Variants in CIT observed in about 807,000 individuals in gnomAD.
CIT encodes citron Rho-interacting kinase.
In CIT, 79 loss-of-function variants were observed where a neutral mutation model predicts 272.7. The observed-to-expected ratio is 0.29, with a 90% CI of 0.24 to 0.35. The LOEUF (loss-of-function observed/expected upper bound fraction) is 0.35. Among genes scored for constraint, CIT ranks in the 10% least tolerant of loss-of-function variants. CIT has a pLI of 1.00. For missense variants in CIT, 1,909 were observed against 2,618.3 expected, an observed-to-expected ratio of 0.73 and a Z score of 5.91; for synonymous variants, 948 against 995.6, an observed-to-expected ratio of 0.95 and a Z score of 0.90.
chr12:119,760,841 G>C, intron 20 of CIT, 98 bp downstream of exon 20: 1 of 810,644 alleles, frequency 1.2e-6, no homozygotes, highest in Non-Finnish European at 2.1e-6. Flanking sequence ...TCAACAGAAG[G>C]AATTTCACCA....
chr12:119,811,788 T>C (rs1966849808), intron 9 of CIT, among the ~76,000 whole-genome samples: 1 of 152,208 alleles, frequency 6.6e-6, no homozygotes, highest in African/African-American at 2.4e-5. Context: ...TCTCTCCCTC[T>C]CAGTCTAGGT....
intron 3 of CIT, among the ~76,000 whole-genome samples, chr12:119,865,864 CA>C (rs11366591): frequency 0.63 from 57,126 of 91,334 alleles, 14,716 homozygotes; most frequent in East Asian, 0.85. Context: ...AGCAAGACTC[CA>C]AAAAAAAAAA....
At chr12:119,854,450 C>T (rs961354104) in intron 4 of CIT, among the ~76,000 whole-genome samples, 1 of 150,940 alleles carries the variant, frequency 6.6e-6, no homozygotes, top group Non-Finnish European at 1.5e-5. Flanking sequence ...CCAGCCTGGC[C>T]AACATGGCAA....
intron 46 of CIT, among the ~76,000 whole-genome samples, chr12:119,696,975 T>C (rs998488517): frequency 4.6e-5 from 7 of 152,236 alleles, no homozygotes; most frequent in African/African-American, 1.4e-4. Context: ...CTTTAATTTA[T>C]TTAACTGCTT....
chr12:119,839,390 G>A (rs1969242923), intron 5 of CIT, among the ~76,000 whole-genome samples: 2 of 152,188 alleles, frequency 1.3e-5, no homozygotes, highest in African/African-American at 4.8e-5. Context: ...TCCTTGAAAT[G>A]TTTGCACGCT....
At chr12:119,695,029 G>T (rs1956158213) in intron 46 of CIT, among the ~76,000 whole-genome samples, 1 of 152,074 alleles carries the variant, frequency 6.6e-6, no homozygotes, top group African/African-American at 2.4e-5. Context: ...GAGCACGTGG[G>T]TATTTGGCAC....
chr12:119,712,574 C>T lies in CIT; in HGVS notation c.4684+17G>A, dbSNP rs776665483. On this transcript the variant is annotated intron_variant, in intron 36 of 47. Coordinates refer to ENST00000392521, the MANE Select transcript of CIT (RefSeq NM_001206999.2). This position sits in a 1 kb window ranked among gnomAD's most constrained non-coding sequence, Gnocchi z 5.2. ...CCGGCCCACCTCCAGGGCGGGGCTCCTCCGGCTCCTCCTCACCTGCTTTGG... is the reference window on the plus strand; with the variant it reads ...CCGGCCCACCTCCAGGGCGGGGCTCTTCCGGCTCCTCCTCACCTGCTTTGG... 1 of 1,612,172 alleles carries T rather than the reference C, an allele frequency of 6.2e-7. No homozygotes were observed. The highest frequency in any genetic ancestry group is 1.1e-5 in the South Asian group (1 of 91,008).
chr12:119,765,743 A>G (rs771158645), intron 19 of CIT, among the ~76,000 whole-genome samples: 12 of 152,086 alleles, frequency 7.9e-5, no homozygotes, highest in Non-Finnish European at 1.5e-4. Flanking sequence ...AAGTGCTAGG[A>G]TTATATGCAT....
intron 39 of CIT, among the ~76,000 whole-genome samples, chr12:119,709,191 A>T (rs1002603090): frequency 1.3e-5 from 2 of 152,208 alleles, no homozygotes; most frequent in Non-Finnish European, 2.9e-5. Context: ...ATTCTATATG[A>T]TACTCTATGT....
intron 10 of CIT, among the ~76,000 whole-genome samples, chr12:119,801,119 G>T (rs1398466374): frequency 1.3e-5 from 2 of 152,182 alleles, no homozygotes; most frequent in Non-Finnish European, 2.9e-5. Flanking sequence ...AGTTTTATTT[G>T]CATGGACCTT....
At chr12:119,709,764 G>GAA (rs1957058025) in intron 39 of CIT, among the ~76,000 whole-genome samples, 9 of 50,406 alleles carry the variant, frequency 1.8e-4, no homozygotes, top group Admixed American at 1.4e-3. Flanking sequence ...GTTCAGGAAA[G>GAA]AGAGAGAGAG....
At chr12:119,705,140 T>C (rs1844721435) in intron 40 of CIT, among the ~76,000 whole-genome samples, 1 of 152,174 alleles carries the variant, frequency 6.6e-6, no homozygotes. Context: ...CTCGAACTCC[T>C]GGCCTCAAGT....
intron 32 of CIT, among the ~76,000 whole-genome samples, chr12:119,716,416 T>TAAAAAAAAAAAAA (rs1481968570): frequency 1.3e-4 from 9 of 70,550 alleles, no homozygotes; most frequent in African/African-American, 4.2e-4. Context: ...AAAAAAAAAG[T>TAAAAAAAAAAAAA]AAAGCTCTTT....
rs1490267343 is a variant in CIT, at chr12:119,804,297, C to T, written c.1112-908G>A. 2.0e-6 allele frequency: 2 copies of T among 985,504 alleles called. No individual in the cohort carries two copies. Among genetic ancestry groups the T allele is most frequent in the South Asian group, 4.7e-5 (1 of 21,290 alleles). The allele number at this position is 985,504 out of a possible 1,614,324, so 61.0% of individuals were successfully genotyped here. On this transcript the variant is annotated intron_variant, in intron 9 of 47. Coordinates refer to ENST00000392521, the MANE Select transcript of CIT (RefSeq NM_001206999.2). This position sits in a 1 kb window ranked among gnomAD's most constrained non-coding sequence, Gnocchi z 5.3. The stretch of plus-strand genomic sequence containing the variant: ...GAGGCTGCCCATCGCGGTGGGCTCC[C>T]GGGGGTGTCCCCCGCCAGAAACGTT...
intron 26 of CIT, among the ~76,000 whole-genome samples, chr12:119,731,203 A>G (rs111557643): frequency 0.066 from 9,905 of 150,888 alleles, 544 homozygotes; most frequent in African/African-American, 0.15. Context: ...GGCTGGGTGC[A>G]GTGGCTCACG....
chr12:119,842,786 C>T (rs942135451), intron 5 of CIT, among the ~76,000 whole-genome samples: 6 of 152,272 alleles, frequency 3.9e-5, no homozygotes, highest in African/African-American at 1.4e-4. Context: ...TTGAATTACA[C>T]ACGTGAAAGA....
intron 13 of CIT, chr12:119,782,267 A>C (rs1443628879): frequency 9.7e-6 from 3 of 308,546 alleles, no homozygotes; most frequent in Non-Finnish European, 1.8e-5. Flanking sequence ...CTAAACCTAC[A>C]TCTTTATTTT....
Position 119,784,895 on chromosome 12 carries a change from C to T in CIT, c.1401+65G>A. 2 of 1,591,166 alleles carry T rather than the reference C, an allele frequency of 1.3e-6. No individual in the cohort carries two copies. Among genetic ancestry groups the T allele is most frequent in the Non-Finnish European group, 1.7e-6 (2 of 1,168,426 alleles). On this transcript the variant is annotated intron_variant, in intron 11 of 47. Transcript: ENST00000392521. The surrounding 1 kb of genome is among the most constrained non-coding windows in gnomAD (Gnocchi z 4.7). ...GAGCCAGCAGCGGCCCCGGGCGGAT[C>T]CCTTGGCATATACGGACGGGAGGAT...
At chr12:119,815,443 A>G (rs1967088968) in intron 9 of CIT, among the ~76,000 whole-genome samples, 1 of 152,138 alleles carries the variant, frequency 6.6e-6, no homozygotes, top group Admixed American at 6.5e-5. Context: ...GCGGTGGCTC[A>G]CGCCTGTAAT....
Sources: allele counts gnomAD v4.1 joint callset (sites outside exome capture counted in the v4.1 genomes callset), GRCh38; gene constraint gnomAD v4.1.1; non-coding constraint Gnocchi (gnomAD v3.1); transcripts MANE v1.5; gene names NCBI Gene and HGNC (gene_info 2026-07-23, HGNC 2026-07-21).